GLIPR1L2: variants seen among roughly 807,000 people sequenced by gnomAD.
GLIPR1L2 encodes GLIPR1 like 2, also known as GLIPR1-like protein 2.
GLIPR1L2 carries 21 observed loss-of-function variants against 28.4 expected under a neutral mutation model. The observed-to-expected ratio is 0.74, with a 90% confidence interval of 0.52 to 1.06. GLIPR1L2 has a LOEUF of 1.06. GLIPR1L2 is among the 50% of genes least tolerant of loss of function. The pLI is 0.00. For missense variants in GLIPR1L2, 476 were observed against 416.9 expected (o/e 1.14, Z -1.23); for synonymous variants, 145 against 139.3 (o/e 1.04, Z -0.29).
rs111707961 is a variant in GLIPR1L2, at chr12:75,422,900, G to T, written c.585-4G>T. The T allele has an allele frequency of 2.3e-4, 373 of 1,594,534 alleles. No individual in the cohort carries two copies. The highest frequency in any genetic ancestry group is 2.9e-4 in the Non-Finnish European group (340 of 1,174,466). On this transcript the variant is annotated splice_region_variant and splice_polypyrimidine_tract_variant and intron_variant, in intron 3 of 5. Transcript: ENST00000550916. The stretch of plus-strand genomic sequence containing the variant: ...CTAAATGTTTTCTGCTTTTTTGTTT[G>T]TAGAGGAACACTGACGAGAAGACCT...
intron 3 of GLIPR1L2, among the ~76,000 whole-genome samples, chr12:75,418,977 C>T (rs1473898778): frequency 6.6e-6 from 1 of 151,782 alleles, no homozygotes; most frequent in Admixed American, 6.6e-5. Flanking sequence ...AACACATGGA[C>T]ACAGGGAGGG....
intron 3 of GLIPR1L2, among the ~76,000 whole-genome samples, chr12:75,417,748 G>A (rs1446202931): frequency 6.6e-6 from 1 of 151,612 alleles, no homozygotes; most frequent in African/African-American, 2.4e-5. Flanking sequence ...ATAAAGATTA[G>A]AATACTTTAT....
chr12:75,392,588 G>C (rs1242959751), intron 1 of GLIPR1L2, among the ~76,000 whole-genome samples: 1 of 151,882 alleles, frequency 6.6e-6, no homozygotes. Context: ...ATAGAGTTTG[G>C]GGATATTTGG....
rs964704548 is a variant in GLIPR1L2 at position 75,432,081 on chromosome 12, G to A, written c.*920G>A. ...ATATTCATGGATCAACTTTGTAAAG[G>A]AATCAATAGTAGTTGTGAAGTACAC... On this transcript the variant is annotated 3_prime_UTR_variant, in exon 6 of 6. Transcript: ENST00000550916. 1 of 151,992 alleles carries A rather than the reference G, an allele frequency of 6.6e-6. No homozygotes were observed. The highest frequency in any genetic ancestry group is 6.6e-5 in the Admixed American group (1 of 15,258). The allele number at this position is 151,992 out of a possible 1,614,324, so 9.4% of individuals were successfully genotyped here. A position where few individuals can be genotyped will look rare whatever the true frequency, so the allele number is the denominator to read the frequency against.
intron 1 of GLIPR1L2, among the ~76,000 whole-genome samples, chr12:75,395,249 G>A (rs192998761): frequency 1.3e-5 from 2 of 151,582 alleles, no homozygotes; most frequent in Admixed American, 1.3e-4. Context: ...TTTATATATC[G>A]AACCATTCCT....
Position 75,419,566 on chromosome 12 carries a change from G to A in GLIPR1L2, c.585-3338G>A, listed in dbSNP as rs189094057. ...GATGTTTCAGGTGCCAAAGTCTTCA[G>A]TGAATAAGGAGGCATGATCTGAAGG... On this transcript the variant is annotated intron_variant, in intron 3 of 5. Coordinates refer to ENST00000550916, the MANE Select transcript of GLIPR1L2 (RefSeq NM_001270396.2). Among the ~76,000 whole-genome samples, 21 of 152,304 alleles carry A rather than the reference G, an allele frequency of 1.4e-4. No individual in the cohort carries two copies. The East Asian group carries it at 3.9e-3, about 28-fold the overall frequency.
intron 1 of GLIPR1L2, among the ~76,000 whole-genome samples, chr12:75,408,807 A>G (rs2045830762): frequency 1.3e-5 from 2 of 152,086 alleles, no homozygotes; most frequent in South Asian, 4.1e-4. Flanking sequence ...AAAAAATCAC[A>G]AAATACCCAT....
At chr12:75,413,889 C>T (rs952517152) in intron 3 of GLIPR1L2, among the ~76,000 whole-genome samples, 188 bp downstream of exon 3, 4 of 151,880 alleles carry the variant, frequency 2.6e-5, no homozygotes, top group Non-Finnish European at 4.4e-5. Flanking sequence ...TACTTATACA[C>T]TAGCCAAATA....
At chr12:75,418,678 T>C (rs1407830641) in intron 3 of GLIPR1L2, among the ~76,000 whole-genome samples, 1 of 152,154 alleles carries the variant, frequency 6.6e-6, no homozygotes, top group Non-Finnish European at 1.5e-5. Flanking sequence ...TTTAGTTCCA[T>C]ATGAAATTTA....
At chr12:75,408,959 T>A (rs2045833092) in intron 1 of GLIPR1L2, among the ~76,000 whole-genome samples, 1 of 152,052 alleles carries the variant, frequency 6.6e-6, no homozygotes, top group Admixed American at 6.6e-5. Context: ...AGGTCTGATA[T>A]GTTTATTTTC....
In GLIPR1L2 at chr12:75,431,121, A is replaced by G. The variant is rs2046088854; in HGVS notation, c.995A>G (p.Glu332Gly). The change falls in exon 6 of 6, where the codon GAG becomes GGG. Residue 332 changes from glutamate to glycine, a missense_variant. Transcript: ENST00000550916. Reference protein sequence around the residue: ...EEKEEREEEEEETQKEKMEEE... With the variant: ...EEKEEREEEEGETQKEKMEEE... ...AAAGAAGAGAGAGAGGAGGAGGAGG[A>G]GGAAACACAAAAAGAAAAGATGGAG... 3.1e-6 allele frequency: 3 copies of G among 961,470 alleles called. No homozygotes were observed. The highest frequency in any genetic ancestry group is 4.8e-6 in the Non-Finnish European group (3 of 629,132). The allele number at this position is 961,470 out of a possible 1,614,324, so 59.6% of individuals were successfully genotyped here.
intron 1 of GLIPR1L2, among the ~76,000 whole-genome samples, chr12:75,393,979 C>T (rs987192278): frequency 5.9e-5 from 9 of 151,918 alleles, no homozygotes; most frequent in African/African-American, 2.2e-4. Context: ...AGTGATACCT[C>T]ACTGTATTTT....
chr12:75,409,545 G>A (rs1485887214), intron 1 of GLIPR1L2, among the ~76,000 whole-genome samples: 3 of 136,986 alleles, frequency 2.2e-5, no homozygotes, highest in Non-Finnish European at 4.8e-5. Context: ...TGTGTTAAAA[G>A]ATTTTTTTTG....
intron 4 of GLIPR1L2, among the ~76,000 whole-genome samples, chr12:75,425,152 G>C (rs1187373019): frequency 1.3e-5 from 2 of 152,128 alleles, no homozygotes; most frequent in Admixed American, 1.3e-4. Context: ...AGATGTCCAT[G>C]CAGGGATGAC....
chr12:75,417,002 A>C (rs11180497), intron 3 of GLIPR1L2, among the ~76,000 whole-genome samples: 52,935 of 151,904 alleles, frequency 0.35, 9,590 homozygotes, highest in East Asian at 0.46. Flanking sequence ...GTAAAATAAC[A>C]AAATTGAAAA....
chr12:75,430,682 T>C (rs1594036912), intron 4 of GLIPR1L2, 33 bp from the exon 5 acceptor site: 1 of 1,518,378 alleles, frequency 6.6e-7, no homozygotes, highest in East Asian at 2.5e-5. Flanking sequence ...AGAAATTTTA[T>C]GTAATTTTTG....
intron 1 of GLIPR1L2, among the ~76,000 whole-genome samples, chr12:75,399,965 G>A (rs542125511): frequency 6.6e-6 from 1 of 152,160 alleles, no homozygotes; most frequent in African/African-American, 2.4e-5. Context: ...ATCCCTAAAC[G>A]GTTATTCACT....
chr12:75,391,151 G>A lies in GLIPR1L2; in HGVS notation c.35G>A (p.Arg12Lys), dbSNP rs2139900233. The A allele has an allele frequency of 6.2e-7, 1 of 1,614,054 alleles. No individual in the cohort carries two copies. The highest frequency in any genetic ancestry group is 8.5e-7 in the Non-Finnish European group (1 of 1,179,992). ...EAARPFAREWRAQSLPLAVGG... is the reference protein window; with the variant it reads ...EAARPFAREWKAQSLPLAVGG... Reference sequence around the variant, plus strand: ...GCAAGGCCCTTCGCCCGGGAGTGGAGGGCCCAGTCCCTACCCCTGGCAGTA... The same window carrying A: ...GCAAGGCCCTTCGCCCGGGAGTGGAAGGCCCAGTCCCTACCCCTGGCAGTA... Residue 12 changes from arginine (R) to lysine (K), a missense_variant, in exon 1 of 6, where the codon AGG becomes AAG. Coordinates refer to ENST00000550916, the MANE Select transcript of GLIPR1L2 (RefSeq NM_001270396.2).
At chr12:75,424,892 T>G (rs1023986619) in intron 4 of GLIPR1L2, among the ~76,000 whole-genome samples, 3 of 152,144 alleles carry the variant, frequency 2.0e-5, no homozygotes, top group Non-Finnish European at 2.9e-5. Flanking sequence ...AATTCAATGC[T>G]AAAGTCATTG....
Sources: gnomAD v4.1 joint callset for allele counts (sites outside exome capture counted in the v4.1 genomes callset) on GRCh38, gnomAD v4.1.1 for gene constraint, MANE v1.5 for transcripts, NCBI Gene and HGNC (gene_info 2026-07-23, HGNC 2026-07-21) for gene names.